The following PWWP3B variants were observed in gnomAD, a reference collection of about 807,000 sequenced individuals.
PWWP3B encodes PWWP domain-containing DNA repair factor 3B.
PWWP3B carries 5 observed loss-of-function variants against 15.7 expected under a neutral mutation model. The observed-to-expected ratio is 0.32, with a 90% CI of 0.17 to 0.67. The LOEUF is 0.67. PWWP3B is among the 30% of genes least tolerant of loss of function. The probability of loss-of-function intolerance (pLI) is 0.74; values close to 1 mark genes in which losing one functional copy is unlikely to be tolerated. For synonymous variants in PWWP3B, 203 were observed against 179.8 expected (o/e 1.13, Z -1.03); for missense variants, 519 against 493.1 (o/e 1.05, Z -0.50).
chrX:106,196,632 A>G (rs777205829), intron 2 of PWWP3B, among the ~76,000 whole-genome samples: 1 of 111,956 alleles, frequency 8.9e-6, no homozygotes, highest in South Asian at 3.8e-4. Context: ...ATACATTCCC[A>G]GGATAAACTC....
At chrX:106,176,669 T>G (rs1921916325) in intron 2 of PWWP3B, among the ~76,000 whole-genome samples, 1 of 112,717 alleles carries the variant, frequency 8.9e-6, no homozygotes, top group South Asian at 3.6e-4. Context: ...AAATTTGGTT[T>G]ATTGTGTTTT....
intron 2 of PWWP3B, among the ~76,000 whole-genome samples, chrX:106,182,984 A>G (rs928482338): frequency 5.4e-5 from 6 of 111,102 alleles, no homozygotes; most frequent in African/African-American, 1.6e-4. Context: ...CAGGTGTATC[A>G]AGGCTGGTCT....
chrX:106,196,492 C>G (rs1462354994), intron 2 of PWWP3B, among the ~76,000 whole-genome samples: 2 of 111,313 alleles, frequency 1.8e-5, no homozygotes, highest in East Asian at 5.6e-4. Context: ...TGCTAAATGT[C>G]TTTTATCATT....
intron 2 of PWWP3B, among the ~76,000 whole-genome samples, chrX:106,191,024 G>C (rs1461412661): frequency 6.4e-5 from 7 of 109,975 alleles, no homozygotes; most frequent in African/African-American, 2.3e-4. Flanking sequence ...ACTTGGCGAT[G>C]CGGGCTCTTT....
At chrX:106,173,600 G>A (rs1272718614) in intron 2 of PWWP3B, among the ~76,000 whole-genome samples, 2 of 111,702 alleles carry the variant, frequency 1.8e-5, no homozygotes, top group African/African-American at 6.5e-5. Context: ...GCTACTTTGT[G>A]AAGGTTCAGG....
At chrX:106,177,854 A>G (rs1169290619) in intron 2 of PWWP3B, among the ~76,000 whole-genome samples, 1 of 111,507 alleles carries the variant, frequency 9.0e-6, no homozygotes, top group East Asian at 2.8e-4. Flanking sequence ...AGGGAACTAG[A>G]CTCCCGAGTT....
At chrX:106,190,952 G>A (rs1045907308) in intron 2 of PWWP3B, among the ~76,000 whole-genome samples, 3 of 111,499 alleles carry the variant, frequency 2.7e-5, no homozygotes, top group African/African-American at 9.8e-5. Context: ...CCGTAGCCTT[G>A]TAGTATAGTT....
At chrX:106,182,553 C>T (rs1454042955) in intron 2 of PWWP3B, among the ~76,000 whole-genome samples, 1 of 111,442 alleles carries the variant, frequency 9.0e-6, no homozygotes, top group Admixed American at 9.5e-5. Flanking sequence ...TTTCATTTTC[C>T]CATACTAATA....
chrX:106,186,616 A>G (rs1922526863), intron 2 of PWWP3B, among the ~76,000 whole-genome samples: 1 of 111,130 alleles, frequency 9.0e-6, no homozygotes, highest in African/African-American at 3.3e-5. Flanking sequence ...CACTGACTTC[A>G]AGAATGAAGC....
At chrX:106,199,012 T>G (rs1422109133) in intron 2 of PWWP3B, among the ~76,000 whole-genome samples, 3 of 110,245 alleles carry the variant, frequency 2.7e-5, no homozygotes, top group Non-Finnish European at 5.7e-5. Context: ...ATTGAAAGGA[T>G]TAATTGTATA....
intron 2 of PWWP3B, among the ~76,000 whole-genome samples, chrX:106,199,608 G>A (rs930332808): frequency 3.6e-5 from 4 of 110,387 alleles, no homozygotes; most frequent in Non-Finnish European, 7.6e-5. Context: ...GAAAGCAAGA[G>A]AAAGGGGGAA....
chrX:106,192,276 G>A (rs1242051399), intron 2 of PWWP3B, among the ~76,000 whole-genome samples: 4 of 111,728 alleles, frequency 3.6e-5, no homozygotes, highest in Non-Finnish European at 7.5e-5. Context: ...TTGGGGGGAT[G>A]TATGTGTCGA....
At chrX:106,194,958 G>A (rs1016550330) in intron 2 of PWWP3B, among the ~76,000 whole-genome samples, 1 of 111,444 alleles carries the variant, frequency 9.0e-6, no homozygotes, top group African/African-American at 3.3e-5. Flanking sequence ...CCTACTGGGG[G>A]GTGCCTCCCA....
At chrX:106,179,154 C>T (rs1208276463) in intron 2 of PWWP3B, among the ~76,000 whole-genome samples, 2 of 112,034 alleles carry the variant, frequency 1.8e-5, no homozygotes, top group African/African-American at 6.5e-5. Context: ...GACTATCTGA[C>T]AGCATGTAGA....
At chrX:106,179,303 C>T (rs1013727149) in intron 2 of PWWP3B, among the ~76,000 whole-genome samples, 2 of 111,790 alleles carry the variant, frequency 1.8e-5, no homozygotes, top group South Asian at 3.8e-4. Context: ...AGTCAATTGT[C>T]CTTTCCCTTC....
In PWWP3B at chrX:106,207,213, C is replaced by A. The variant is rs773530060; in HGVS notation, c.1781C>A (p.Pro594His). 8.3e-7 allele frequency: 1 copy of A among 1,208,908 alleles called. No homozygotes were observed. Among genetic ancestry groups the A allele is most frequent in the Non-Finnish European group, 1.1e-6 (1 of 893,941 alleles). The change falls in exon 4 of 4, where the codon CCC becomes CAC. Residue 594 changes from proline to histidine, a missense_variant. Pro to His is a moderately conservative substitution (Grantham distance 77). Coordinates refer to ENST00000357175, the MANE Select transcript of PWWP3B (RefSeq NM_001171020.2). ...TTTTTGAATGCAAATAGGTTCACACCCTGTATTGAAACATACTTTGAGGAT... is the reference window on the plus strand; with the variant it reads ...TTTTTGAATGCAAATAGGTTCACACACTGTATTGAAACATACTTTGAGGAT... ...KSFLNANRFT[P>H]CIETYFEDED...
chrX:106,206,179 T>C lies in PWWP3B; in HGVS notation c.747T>C (p.Ile249=), dbSNP rs1419268208. ...PLSPLSSDML[I]MPKALKEESE... ...CACCTTTGTCATCAGATATGCTCAT[T>C]ATGCCCAAAGCTTTGAAAGAAGAGA... The change falls in exon 4 of 4, where the codon ATT becomes ATC. Residue 249 remains isoleucine, a synonymous_variant. Coordinates refer to ENST00000357175, the MANE Select transcript of PWWP3B (RefSeq NM_001171020.2). 1 of 1,207,675 alleles carries C rather than the reference T, an allele frequency of 8.3e-7. No individual in the cohort carries two copies. The highest frequency in any genetic ancestry group is 1.1e-6 in the Non-Finnish European group (1 of 893,519).
chrX:106,198,492 C>T (rs1923508326), intron 2 of PWWP3B, among the ~76,000 whole-genome samples: 1 of 111,325 alleles, frequency 9.0e-6, no homozygotes, highest in Non-Finnish European at 1.9e-5. Context: ...GCCCTCTCTT[C>T]CAGGAAATAA....
Position 106,208,956 on chromosome X carries a change from A to C in PWWP3B, c.*1433A>C, listed in dbSNP as rs768940152. ...TTATAATAAAACTGTTATATTATTCACCTTGGATTTTTACTTCATCCTACT... is the reference window on the plus strand; with the variant it reads ...TTATAATAAAACTGTTATATTATTCCCCTTGGATTTTTACTTCATCCTACT... On this transcript the variant is annotated 3_prime_UTR_variant, in exon 4 of 4. Coordinates refer to ENST00000357175, the MANE Select transcript of PWWP3B (RefSeq NM_001171020.2). The C allele has an allele frequency of 1.7e-5, 2 of 120,981 alleles. No individual in the cohort carries two copies. Among genetic ancestry groups the C allele is most frequent in the Non-Finnish European group, 3.8e-5 (2 of 52,944 alleles). The allele number at this position is 120,981 out of a possible 1,213,427, so 10.0% of individuals were successfully genotyped here.
Sources: allele counts gnomAD v4.1 joint callset (sites outside exome capture counted in the v4.1 genomes callset), GRCh38; gene constraint gnomAD v4.1.1; transcripts MANE v1.5; gene names NCBI Gene and HGNC (gene_info 2026-07-23, HGNC 2026-07-21).